Variants in ZFYVE9 observed in about 807,000 individuals in gnomAD.
ZFYVE9 encodes the protein zinc finger FYVE domain-containing protein 9.
ZFYVE9 carries 43 observed loss-of-function variants against 126.7 expected under a neutral mutation model. That is an observed-to-expected ratio of 0.34 (90% CI 0.27 to 0.44). The LOEUF (loss-of-function observed/expected upper bound fraction) is 0.44. Ranked by LOEUF, ZFYVE9 falls within the 20% of genes least tolerant of loss-of-function variation. ZFYVE9 has a pLI of 1.00. For missense variants in ZFYVE9, 1,476 were observed against 1,697.0 expected, an observed-to-expected ratio of 0.87 and a Z score of 2.29; for synonymous variants, 521 against 597.4, an observed-to-expected ratio of 0.87 and a Z score of 1.87.
chr1:52,149,163 C>T (rs1243756333), intron 1 of ZFYVE9, among the ~76,000 whole-genome samples: 1 of 151,134 alleles, frequency 6.6e-6, no homozygotes, highest in African/African-American at 2.4e-5. Flanking sequence ...GGGGTTTTGC[C>T]GTGTTGACCA....
intron 3 of ZFYVE9, among the ~76,000 whole-genome samples, chr1:52,234,151 A>G (rs545551841): frequency 6.6e-5 from 10 of 152,340 alleles, no homozygotes; most frequent in African/African-American, 1.9e-4. Context: ...TGGGTAAGCC[A>G]TAATTAAATT....
intron 1 of ZFYVE9, among the ~76,000 whole-genome samples, chr1:52,174,933 A>G (rs536998221): frequency 7.4e-4 from 112 of 152,284 alleles, no homozygotes; most frequent in African/African-American, 2.5e-3. Context: ...AATACAGCAC[A>G]CTGATGGGTC....
intron 1 of ZFYVE9, among the ~76,000 whole-genome samples, chr1:52,181,251 T>C (rs1308454669): frequency 2.0e-5 from 3 of 152,086 alleles, no homozygotes; most frequent in Non-Finnish European, 4.4e-5. Context: ...CCTGACTGGT[T>C]TTCGTATTTT....
intron 2 of ZFYVE9, among the ~76,000 whole-genome samples, chr1:52,223,956 G>C (rs2124608138): frequency 6.6e-6 from 1 of 152,314 alleles, no homozygotes; most frequent in South Asian, 2.1e-4. Flanking sequence ...CAAGTGTACA[G>C]TTGTGGCTCC....
intron 1 of ZFYVE9, chr1:52,160,708 C>A: frequency 2.3e-6 from 1 of 442,678 alleles, no homozygotes. Flanking sequence ...GCCACTGTGC[C>A]CGGCCTTGAT....
chr1:52,180,702 G>A lies in ZFYVE9; in HGVS notation c.-142-35667G>A, dbSNP rs983904772. ...AGAAATAATCATTGCTGGGCCGGGC[G>A]CGGTGGCTTACGCCTGTAATCCCAG... On this transcript the variant is annotated intron_variant, in intron 1 of 18. Transcript: ENST00000287727. 9.9e-5 allele frequency: 34 copies of A among 344,016 alleles called. No homozygotes were observed. In the East Asian group the frequency reaches 1.3e-3, roughly 13 times the overall value. 21.3% of individuals were successfully genotyped at this position (344,016 alleles called of 1,614,324 possible).
intron 13 of ZFYVE9, among the ~76,000 whole-genome samples, chr1:52,323,466 T>C (rs747403962): frequency 3.9e-5 from 6 of 152,266 alleles, no homozygotes; most frequent in Non-Finnish European, 8.8e-5. Flanking sequence ...GGAATTTGTT[T>C]GCTTGTCTAC....
At chr1:52,189,184 A>C (rs577205946) in intron 1 of ZFYVE9, among the ~76,000 whole-genome samples, 2 of 149,604 alleles carry the variant, frequency 1.3e-5, no homozygotes, top group Non-Finnish European at 1.5e-5. Context: ...TGATCCATCC[A>C]CCTTAGCCTC....
intron 1 of ZFYVE9, among the ~76,000 whole-genome samples, chr1:52,187,853 G>A (rs543404992): frequency 2.0e-5 from 3 of 152,314 alleles, no homozygotes; most frequent in African/African-American, 4.8e-5. Flanking sequence ...CACTGTTGGT[G>A]GGAGTGTAAA....
intron 1 of ZFYVE9, among the ~76,000 whole-genome samples, chr1:52,208,948 G>C (rs1179471553): frequency 6.6e-6 from 1 of 152,194 alleles, no homozygotes; most frequent in Non-Finnish European, 1.5e-5. Context: ...TATTTCCCAG[G>C]TGGAAGTTCT....
chr1:52,284,641 G>C (rs1178968621), intron 10 of ZFYVE9, among the ~76,000 whole-genome samples: 1 of 152,052 alleles, frequency 6.6e-6, no homozygotes, highest in Admixed American at 6.6e-5. Flanking sequence ...GGCTGATCTT[G>C]ATTTCCTGAC....
intron 13 of ZFYVE9, among the ~76,000 whole-genome samples, chr1:52,331,240 T>C (rs113139812): frequency 6.6e-6 from 1 of 151,988 alleles, no homozygotes; most frequent in Non-Finnish European, 1.5e-5. Context: ...GTTTAAAGGC[T>C]CAATTTTAAA....
At chr1:52,196,552 G>C (rs1644862095) in intron 1 of ZFYVE9, among the ~76,000 whole-genome samples, 1 of 152,122 alleles carries the variant, frequency 6.6e-6, no homozygotes, top group African/African-American at 2.4e-5. Flanking sequence ...CAGGAGAATC[G>C]CTTGAACCCA....
At position 52,332,877 on chromosome 1, in the gene ZFYVE9, A is replaced by G. The variant is rs1170862297; in HGVS notation, c.3548A>G (p.Tyr1183Cys). ...TGTGTACAGAATGATGATGGAAACTATCAGACCCAGGCTATCAGTATTCAC... is the reference window on the plus strand; with the variant it reads ...TGTGTACAGAATGATGATGGAAACTGTCAGACCCAGGCTATCAGTATTCAC... ...LVCVQNDDGN[Y>C]QTQAISIHNQ... The change falls in exon 14 of 19, where the codon TAT becomes TGT. Residue 1183 changes from tyrosine to cysteine, a missense_variant. Physicochemically the swap from Tyr to Cys is radical, Grantham distance 194. Coordinates refer to ENST00000287727, the MANE Select transcript of ZFYVE9 (RefSeq NM_004799.4). 11 of 1,614,076 alleles carry G rather than the reference A, an allele frequency of 6.8e-6. No individual in the cohort carries two copies. Among genetic ancestry groups the G allele is most frequent in the Admixed American group, 5.0e-5 (3 of 59,998 alleles).
intron 10 of ZFYVE9, among the ~76,000 whole-genome samples, chr1:52,291,955 A>G (rs12072759): frequency 0.036 from 5,419 of 151,402 alleles, 247 homozygotes; most frequent in African/African-American, 0.11. Flanking sequence ...TTATAGAGCT[A>G]TGTTTCATAT....
chr1:52,173,792 A>C (rs1644595529), intron 1 of ZFYVE9, among the ~76,000 whole-genome samples: 1 of 152,132 alleles, frequency 6.6e-6, no homozygotes, highest in Non-Finnish European at 1.5e-5. Context: ...ATTTGTGTAG[A>C]GGTGTTTATA....
At chr1:52,146,142 T>C (rs1051283364) in intron 1 of ZFYVE9, among the ~76,000 whole-genome samples, 1 of 152,098 alleles carries the variant, frequency 6.6e-6, no homozygotes, top group African/African-American at 2.4e-5. Context: ...TACAATTGTA[T>C]TTGGCATTGT....
At chr1:52,169,568 C>G (rs191253815) in intron 1 of ZFYVE9, among the ~76,000 whole-genome samples, 1 of 152,212 alleles carries the variant, frequency 6.6e-6, no homozygotes, top group Admixed American at 6.5e-5. Flanking sequence ...TGTTTACTTG[C>G]TGTTTCATCT....
At chr1:52,146,665 T>C (rs1420069606) in intron 1 of ZFYVE9, among the ~76,000 whole-genome samples, 1 of 152,150 alleles carries the variant, frequency 6.6e-6, no homozygotes, top group African/African-American at 2.4e-5. Context: ...TTGGAAAATA[T>C]ATTTCTCTGA....
Sources: gnomAD v4.1 joint callset for allele counts (sites outside exome capture counted in the v4.1 genomes callset) on GRCh38, gnomAD v4.1.1 for gene constraint, MANE v1.5 for transcripts, NCBI Gene and HGNC (gene_info 2026-07-23, HGNC 2026-07-21) for gene names.